The following MRGPRX3 variants were observed in gnomAD, a reference collection of about 807,000 sequenced individuals.
The protein encoded by MRGPRX3 is MAS related GPR family member X3, also known as mas-related G protein-coupled receptor member X3.
A neutral mutation model predicts 16.5 loss-of-function variants in MRGPRX3; 14 were observed. The ratio of observed to expected loss-of-function variants is 0.85; its 90% confidence interval spans 0.56 to 1.33. The LOEUF is 1.33. Among genes scored for constraint, MRGPRX3 ranks in the 40% most tolerant of loss-of-function variants. The pLI, the probability that MRGPRX3 is intolerant of heterozygous loss-of-function variation, is 0.00. For synonymous variants in MRGPRX3, 199 were observed against 180.1 expected, an observed-to-expected ratio of 1.10 and a Z score of -0.84; for missense variants, 449 against 413.0, an observed-to-expected ratio of 1.09 and a Z score of -0.76.
chr11:18,127,732 C>T (rs191205340), upstream of MRGPRX3, among the ~76,000 whole-genome samples: 335 of 152,268 alleles, frequency 2.2e-3, no homozygotes, highest in Non-Finnish European at 3.6e-3. Context: ...TCCTTTAGCT[C>T]GGAGTAGTTT....
chr11:18,124,772 C>T (rs547112358), intron 1 of MRGPRX3, among the ~76,000 whole-genome samples: 3 of 151,842 alleles, frequency 2.0e-5, no homozygotes, highest in Admixed American at 2.0e-4. Context: ...GGTACCAGCT[C>T]CTCCTTGTAC....
chr11:18,122,784 C>A lies in MRGPRX3; in HGVS notation c.-152+1620C>A, dbSNP rs150451090. 7.7e-3 allele frequency among the ~76,000 whole-genome samples: 1,168 copies of A among 152,314 alleles called. 41 individuals carry two copies. Among genetic ancestry groups the A allele is most frequent in the Admixed American group, 0.055 (848 of 15,292 alleles). On this transcript the variant is annotated intron_variant, in intron 1 of 2. Coordinates refer to the MRGPRX3 transcript ENST00000396275. ...CACACTCTCTTCCACAATGGTTGAA[C>A]TAGTTTACACTCCCACCAACAGTGT...
chr11:18,137,273 A>T lies in MRGPRX3; in HGVS notation c.71A>T (p.Tyr24Phe), dbSNP rs1282318290. The T allele has an allele frequency of 1.2e-6, 2 of 1,614,044 alleles. No homozygotes were observed. Among genetic ancestry groups the T allele is most frequent in the Admixed American group, 3.3e-5 (2 of 60,006 alleles). Residue 24 changes from tyrosine (Y) to phenylalanine (F), a missense_variant, in exon 2 of 2, where the codon TAC becomes TTC. By Grantham distance (22) the Tyr-to-Phe change is conservative. Transcript: ENST00000621697. ...AACGGACGTGAGGAGACTCCTTGCT[A>T]CAAGCAGACCCTGAGCTTCACGGGG... is the stretch of plus-strand genomic sequence containing the variant. ...PINGREETPC[Y>F]KQTLSFTGLT...
intron 1 of MRGPRX3, among the ~76,000 whole-genome samples, chr11:18,122,495 C>A (rs557176533): frequency 6.6e-6 from 1 of 152,180 alleles, no homozygotes; most frequent in East Asian, 1.9e-4. Flanking sequence ...GCCCCATCCA[C>A]GTCCCTGCAA....
chr11:18,121,438 G>T (rs1410254990), intron 1 of MRGPRX3, among the ~76,000 whole-genome samples: 2 of 151,960 alleles, frequency 1.3e-5, no homozygotes, highest in East Asian at 3.9e-4. Flanking sequence ...CACACGCTCC[G>T]ACCGGGAGGG....
chr11:18,132,322 A>G (rs536893731), upstream of MRGPRX3, among the ~76,000 whole-genome samples: 1 of 152,324 alleles, frequency 6.6e-6, no homozygotes, highest in East Asian at 1.9e-4. Flanking sequence ...CTACTTTTTC[A>G]TTTGGATATA....
At chr11:18,121,806 C>G (rs1412291943) in intron 1 of MRGPRX3, among the ~76,000 whole-genome samples, 2 of 152,020 alleles carry the variant, frequency 1.3e-5, no homozygotes, top group South Asian at 2.1e-4. Flanking sequence ...AGGCAGCATG[C>G]TCGTTAAGAG....
At chr11:18,133,324 G>A (rs575278364) in intron 1 of MRGPRX3, among the ~76,000 whole-genome samples, 1 of 152,306 alleles carries the variant, frequency 6.6e-6, no homozygotes, top group East Asian at 1.9e-4. Flanking sequence ...AGCCATAAGG[G>A]TGGGAGAGCA....
intron 1 of MRGPRX3, among the ~76,000 whole-genome samples, chr11:18,124,797 G>A (rs1429960146): frequency 3.9e-5 from 6 of 152,226 alleles, no homozygotes; most frequent in South Asian, 2.1e-4. Flanking sequence ...GGTAGAATTC[G>A]GCTGTGAATT....
chr11:18,135,670 A>AT (rs1004155063), intron 1 of MRGPRX3, among the ~76,000 whole-genome samples: 4 of 149,508 alleles, frequency 2.7e-5, no homozygotes, highest in Admixed American at 6.7e-5. Flanking sequence ...GTTTAGGTTA[A>AT]TTTTTTTTTT....
At chr11:18,132,836 C>T (rs183307745) in intron 1 of MRGPRX3, 97 bp downstream of exon 1, 3 of 152,304 alleles carry the variant, frequency 2.0e-5, no homozygotes, top group Admixed American at 2.0e-4. Context: ...TGCAGGGGGT[C>T]ACGAGCTTGT....
upstream of MRGPRX3, among the ~76,000 whole-genome samples, chr11:18,132,097 TAAA>T (rs1236112609): frequency 6.6e-6 from 1 of 152,132 alleles, no homozygotes; most frequent in Non-Finnish European, 1.5e-5. Flanking sequence ...TCACAGAATT[TAAA>T]AAAGTTCACT....
upstream of MRGPRX3, among the ~76,000 whole-genome samples, chr11:18,130,908 A>C (rs1473609662): frequency 1.3e-5 from 2 of 152,184 alleles, no homozygotes; most frequent in South Asian, 4.1e-4. Flanking sequence ...ATTTTTGACA[A>C]AGCAAACAAA....
At chr11:18,123,127 T>C (rs1330586321) in intron 1 of MRGPRX3, among the ~76,000 whole-genome samples, 2 of 152,188 alleles carry the variant, frequency 1.3e-5, no homozygotes, top group Non-Finnish European at 2.9e-5. Flanking sequence ...TTTTCTCCCA[T>C]TCTGTAGGTT....
intron 1 of MRGPRX3, among the ~76,000 whole-genome samples, chr11:18,123,276 G>A (rs1025174070): frequency 2.0e-4 from 30 of 151,990 alleles, no homozygotes; most frequent in African/African-American, 5.3e-4. Flanking sequence ...CCTATGTCCC[G>A]AATGGTATTG....
chr11:18,129,681 A>G (rs769609368), upstream of MRGPRX3, among the ~76,000 whole-genome samples: 5 of 152,222 alleles, frequency 3.3e-5, no homozygotes, highest in Non-Finnish European at 7.4e-5. Flanking sequence ...AAAGCATTGT[A>G]TGAAGCCAAT....
chr11:18,122,417 T>A (rs1848849409), intron 1 of MRGPRX3, among the ~76,000 whole-genome samples: 1 of 152,228 alleles, frequency 6.6e-6, no homozygotes, highest in Non-Finnish European at 1.5e-5. Context: ...AATTCCCACC[T>A]GTGAGTGAGA....
chr11:18,136,514 C>T (rs766047226), intron 1 of MRGPRX3, among the ~76,000 whole-genome samples: 6 of 152,206 alleles, frequency 3.9e-5, no homozygotes, highest in Non-Finnish European at 7.3e-5. Context: ...GTTCTAATGC[C>T]TTACATTGTG....
upstream of MRGPRX3, among the ~76,000 whole-genome samples, chr11:18,128,691 C>A (rs1382663797): frequency 6.6e-6 from 1 of 152,196 alleles, no homozygotes; most frequent in Non-Finnish European, 1.5e-5. Flanking sequence ...CTTTTCTTGG[C>A]TAGGAAAGGG....
Sources: allele counts gnomAD v4.1 joint callset (sites outside exome capture counted in the v4.1 genomes callset), GRCh38; gene constraint gnomAD v4.1.1; transcripts MANE v1.5; gene names NCBI Gene and HGNC (gene_info 2026-07-23, HGNC 2026-07-21).